The following FAM118B variants were observed in gnomAD, a reference collection of about 807,000 sequenced individuals.
The protein encoded by FAM118B is SIR2 antiphage like 1, also known as protein FAM118B.
In FAM118B, 24 loss-of-function variants were observed where a neutral mutation model predicts 38.5. The ratio of observed to expected loss-of-function variants is 0.62; its 90% CI spans 0.45 to 0.88. The LOEUF is 0.88. FAM118B is among the 40% of genes least tolerant of loss of function. The pLI is 0.00. For missense variants in FAM118B, 334 were observed against 420.0 expected (o/e 0.80, Z 1.79); for synonymous variants, 138 against 156.3 (o/e 0.88, Z 0.87).
intron 2 of FAM118B, among the ~76,000 whole-genome samples, chr11:126,230,986 A>C (rs1314724673): frequency 6.6e-6 from 1 of 152,148 alleles, no homozygotes; most frequent in Non-Finnish European, 1.5e-5. Context: ...TTTTTCTAGA[A>C]CACTCGCCCT....
intron 2 of FAM118B, among the ~76,000 whole-genome samples, chr11:126,234,364 C>A (rs949351866): frequency 6.6e-6 from 1 of 152,198 alleles, no homozygotes; most frequent in Non-Finnish European, 1.5e-5. Context: ...AGCACCCGAA[C>A]ATAATTGGCC....
intron 3 of FAM118B, among the ~76,000 whole-genome samples, chr11:126,237,713 G>A (rs528665756): frequency 1.4e-4 from 20 of 145,196 alleles, no homozygotes; most frequent in African/African-American, 2.5e-4. Context: ...AAAAATTAGC[G>A]GGGCGTGGTG....
intron 1 of FAM118B, among the ~76,000 whole-genome samples, chr11:126,222,350 C>T (rs1045813863): frequency 1.3e-5 from 2 of 152,150 alleles, no homozygotes; most frequent in African/African-American, 2.4e-5. Flanking sequence ...GATATTTGAA[C>T]GTGAAGATGT....
rs2135183359 is a variant in FAM118B, at chr11:126,244,656, T to C, written c.339+3612T>C. Among the ~76,000 whole-genome samples the C allele has an allele frequency of 6.6e-6, 1 of 152,040 alleles. No homozygotes were observed. The highest frequency in any genetic ancestry group is 2.4e-5 in the African/African-American group (1 of 41,472). On this transcript the variant is annotated intron_variant, in intron 4 of 8. Coordinates refer to ENST00000533050, the MANE Select transcript of FAM118B (RefSeq NM_024556.4). This position sits in a 1 kb window ranked among gnomAD's most constrained non-coding sequence, Gnocchi z 4.5. The stretch of plus-strand genomic sequence containing the variant: ...CCGTCTCTACTAAAAATACAAAAAT[T>C]AGCTGAGCATGATGGCGGGTGCCTA...
At chr11:126,221,236 A>C (rs1245733656) in intron 1 of FAM118B, among the ~76,000 whole-genome samples, 1 of 152,238 alleles carries the variant, frequency 6.6e-6, no homozygotes, top group African/African-American at 2.4e-5. Flanking sequence ...GAAAAAGAGA[A>C]TATCCTGAAA....
chr11:126,245,732 A>C (rs187651261), intron 4 of FAM118B, among the ~76,000 whole-genome samples: 89 of 152,164 alleles, frequency 5.8e-4, no homozygotes, highest in African/African-American at 2.1e-3. Flanking sequence ...CGCAGTGGCT[A>C]ACTCCTGTAA....
chr11:126,246,781 T>A (rs1419421894), intron 4 of FAM118B, among the ~76,000 whole-genome samples: 1 of 152,142 alleles, frequency 6.6e-6, no homozygotes, highest in Non-Finnish European at 1.5e-5. Flanking sequence ...TAGAAGGAAA[T>A]GAAGGTCACT....
chr11:126,249,757 AAAAG>A (rs1168461262), intron 4 of FAM118B, among the ~76,000 whole-genome samples: 90 of 151,216 alleles, frequency 6.0e-4, no homozygotes, highest in African/African-American at 2.1e-3. Flanking sequence ...AAAAAAAAGA[AAAAG>A]AAAAGGAGAT....
At position 126,255,271 on chromosome 11, in the gene FAM118B, C is replaced by G. The variant is rs1010648628; in HGVS notation, c.696+838C>G. 2.6e-5 allele frequency among the ~76,000 whole-genome samples: 4 copies of G among 152,200 alleles called. No individual in the cohort carries two copies. The highest frequency in any genetic ancestry group is 9.6e-5 in the African/African-American group (4 of 41,476). Reference sequence around the variant, plus strand: ...AACCAGAAGTATTCGCTGCCCCCAGCTCTAAGAATCTTGTTTGCTGTTTTC... The same window carrying G: ...AACCAGAAGTATTCGCTGCCCCCAGGTCTAAGAATCTTGTTTGCTGTTTTC... On this transcript the variant is annotated intron_variant, in intron 6 of 8. Transcript: ENST00000533050. This position sits in a 1 kb window ranked among gnomAD's most constrained non-coding sequence, Gnocchi z 4.6.
Position 126,256,718 on chromosome 11 carries a change from T to C in FAM118B, c.848T>C (p.Val283Ala), listed in dbSNP as rs372937683. Reference protein sequence around the residue: ...EHFMLVRRGDVDEFKKLRENM... With the variant: ...EHFMLVRRGDADEFKKLRENM... ...TTCATGCTGGTTCGGAGAGGAGACG[T>C]AGATGAGTTCAAAAAGCTTCGAGAA... The change falls in exon 7 of 9, where the codon GTA becomes GCA. Residue 283 changes from valine (V) to alanine (A), a missense_variant. Val to Ala is a moderately conservative substitution (Grantham distance 64). This residue lies in a region of FAM118B where 88 missense variants were observed against 98.1 expected (regional missense o/e 0.90). Coordinates refer to ENST00000533050, the MANE Select transcript of FAM118B (RefSeq NM_024556.4). This position sits in a 1 kb window ranked among gnomAD's most constrained non-coding sequence, Gnocchi z 6.6. 24 of 1,614,072 alleles carry C rather than the reference T, an allele frequency of 1.5e-5. No individual in the cohort carries two copies. The highest frequency in any genetic ancestry group is 1.9e-5 in the Non-Finnish European group (23 of 1,180,024).
intron 4 of FAM118B, among the ~76,000 whole-genome samples, chr11:126,246,279 A>G (rs1031765836): frequency 6.6e-6 from 1 of 152,172 alleles, no homozygotes; most frequent in African/African-American, 2.4e-5. Context: ...ATCAAATCTA[A>G]CAGTATCAAC....
rs1950481152 is a variant in FAM118B, at chr11:126,250,195, CAT to C, written c.340-310_340-309del. Among the ~76,000 whole-genome samples, 1 of 151,716 alleles carries C rather than the reference CAT, an allele frequency of 6.6e-6. No individual in the cohort carries two copies. Among genetic ancestry groups the C allele is most frequent in the African/African-American group, 2.4e-5 (1 of 41,320 alleles). Reference sequence around the variant, plus strand: ...CAAGCTCCGCCTCCTGGGTTCACACCATTCTCCTGCCTCAGCCTCCCAAGTAG... The same window carrying C: ...CAAGCTCCGCCTCCTGGGTTCACACCTCTCCTGCCTCAGCCTCCCAAGTAG... On this transcript the variant is annotated intron_variant, in intron 4 of 8. Transcript: ENST00000533050. This position sits in a 1 kb window ranked among gnomAD's most constrained non-coding sequence, Gnocchi z 5.1.
At chr11:126,224,146 A>C (rs1290654908) in intron 1 of FAM118B, among the ~76,000 whole-genome samples, 1 of 152,030 alleles carries the variant, frequency 6.6e-6, no homozygotes, top group Non-Finnish European at 1.5e-5. Context: ...TCTTTGGGGG[A>C]CTTACATTCT....
At chr11:126,240,205 T>G (rs1950336950) in intron 3 of FAM118B, among the ~76,000 whole-genome samples, 2 of 152,154 alleles carry the variant, frequency 1.3e-5, no homozygotes, top group Non-Finnish European at 2.9e-5. Context: ...TGTCCTTTGA[T>G]TAGTTAATGT....
rs145549086 is a variant in FAM118B at position 126,234,231 on chromosome 11, A to G, written c.-7-764A>G. ...CTTCTATATTGTGTGTGTGTTTAAAATACTATTACTATTTTTAAATTCACA... is the reference window on the plus strand; with the variant it reads ...CTTCTATATTGTGTGTGTGTTTAAAGTACTATTACTATTTTTAAATTCACA... On this transcript the variant is annotated intron_variant, in intron 2 of 8. Coordinates refer to ENST00000533050, the MANE Select transcript of FAM118B (RefSeq NM_024556.4). 1.3e-4 allele frequency among the ~76,000 whole-genome samples: 20 copies of G among 152,360 alleles called. No individual in the cohort carries two copies. The East Asian group carries it at 3.3e-3, about 25-fold the overall frequency.
At position 126,211,786 on chromosome 11, in the gene FAM118B, C is replaced by T. The variant is rs906928880; in HGVS notation, c.-121C>T. The T allele has an allele frequency of 1.3e-4, 102 of 814,638 alleles. No homozygotes were observed. The highest frequency in any genetic ancestry group is 1.7e-4 in the Non-Finnish European group (91 of 526,440). The allele number at this position is 814,638 out of a possible 1,614,324, so 50.5% of individuals were successfully genotyped here. Reference sequence around the variant, plus strand: ...CGGTGCGCGCTCAGTGCGGCTGCGCCGGCCGGTAGCTGCAGCTGGAGCAGT... The same window carrying T: ...CGGTGCGCGCTCAGTGCGGCTGCGCTGGCCGGTAGCTGCAGCTGGAGCAGT... On this transcript the variant is annotated 5_prime_UTR_variant, in exon 1 of 9. Transcript: ENST00000533050.
intron 7 of FAM118B, 141 bp from the exon 8 acceptor site, chr11:126,261,284 T>C (rs1950692432): frequency 1.2e-5 from 8 of 656,216 alleles, no homozygotes; most frequent in East Asian, 1.1e-4. Context: ...TGCCTCCTTA[T>C]CTTCTCAATG....
intron 3 of FAM118B, among the ~76,000 whole-genome samples, chr11:126,238,090 G>C (rs923103928): frequency 6.6e-6 from 1 of 152,134 alleles, no homozygotes; most frequent in Middle Eastern, 3.4e-3. Flanking sequence ...GGCCGGGTGC[G>C]GTGGCTCACG....
At chr11:126,249,649 T>C (rs1006971113) in intron 4 of FAM118B, among the ~76,000 whole-genome samples, 2 of 145,620 alleles carry the variant, frequency 1.4e-5, no homozygotes, top group Middle Eastern at 3.8e-3. Flanking sequence ...GAGAATTGCT[T>C]GAACCTGGCG....
Sources: gnomAD v4.1 joint callset for allele counts (sites outside exome capture counted in the v4.1 genomes callset) on GRCh38, gnomAD v4.1.1 for gene constraint, gnomAD v4.1.1 regional missense constraint, Gnocchi (gnomAD v3.1) non-coding constraint, MANE v1.5 for transcripts, NCBI Gene and HGNC (gene_info 2026-07-23, HGNC 2026-07-21) for gene names.